Variants in FANCD2 observed in about 807,000 individuals in gnomAD.
FANCD2 encodes FA complementation group D2.
In FANCD2, 131 loss-of-function variants were observed where a neutral mutation model predicts 192.3. The observed-to-expected ratio is 0.68, with a 90% CI of 0.59 to 0.79. The LOEUF (loss-of-function observed/expected upper bound fraction) is 0.79. FANCD2 is among the 30% of genes least tolerant of loss of function. The pLI is 0.00. For missense variants in FANCD2, 1,508 were observed against 1,701.6 expected (o/e 0.89, Z 2.00); for synonymous variants, 524 against 612.5 (o/e 0.86, Z 2.13).
At chr3:10,042,916 T>G in intron 11 of FANCD2, 134 bp from the exon 12 acceptor site, 1 of 867,302 alleles carries the variant, frequency 1.2e-6, no homozygotes, top group Non-Finnish European at 1.9e-6. Flanking sequence ...CTCATAACTC[T>G]ATTTTTCAAA....
chr3:10,064,892 T>A lies in FANCD2; in HGVS notation c.2168+17T>A. The A allele has an allele frequency of 6.2e-7, 1 of 1,613,512 alleles. No individual in the cohort carries two copies. Reference sequence around the variant, plus strand: ...AGGCCAAAAGTCAGTATAGTTTTTCTTTTCTAAACCTGTTAGTGTTTTGAA... The same window carrying A: ...AGGCCAAAAGTCAGTATAGTTTTTCATTTCTAAACCTGTTAGTGTTTTGAA... On this transcript the variant is annotated intron_variant, in intron 23 of 43. Transcript: ENST00000675286.
chr3:10,063,479 G>A lies in FANCD2; in HGVS notation c.1828-313G>A, dbSNP rs374303202. ...AGCTATTTGAGAGAGAAAACAGAGA[G>A]CCTTGCATGTAAAGCAATACATTTT... On this transcript the variant is annotated intron_variant, in intron 20 of 43. Transcript: ENST00000675286. 7.9e-5 allele frequency among the ~76,000 whole-genome samples: 12 copies of A among 152,236 alleles called. 1 individual carries two copies. In the East Asian group the frequency reaches 9.6e-4, roughly 12 times the overall value.
At chr3:10,053,723 T>G (rs2087290626) in intron 18 of FANCD2, among the ~76,000 whole-genome samples, 1 of 151,908 alleles carries the variant, frequency 6.6e-6, no homozygotes, top group Non-Finnish European at 1.5e-5. Context: ...CCACAAACAT[T>G]AAGTGCCTAT....
intron 32 of FANCD2, among the ~76,000 whole-genome samples, chr3:10,084,139 G>T (rs544820499): frequency 4.6e-5 from 7 of 151,532 alleles, no homozygotes. Context: ...GATTACATGC[G>T]CCTGCCACTG....
chr3:10,052,483 A>G lies in FANCD2; in HGVS notation c.1642A>G (p.Ser548Gly), dbSNP rs752040755. ...TLAFSKQNEA[S>G]SHIQDDMHLV... ...GGCATTTAGCAAACAGAATGAAGCC[A>G]GCAGCCACATCCAGGTAAGAGGCAA... The change falls in exon 18 of 44, where the codon AGC (serine) becomes GGC (glycine). Residue 548 changes from serine (S) to glycine (G), a missense_variant. Ser to Gly is a moderately conservative substitution (Grantham distance 56). Transcript: ENST00000675286. The G allele has an allele frequency of 6.2e-7, 1 of 1,610,896 alleles. No individual in the cohort carries two copies. The highest frequency in any genetic ancestry group is 1.7e-5 in the Admixed American group (1 of 60,000).
At position 10,051,065 on chromosome 3, in the gene FANCD2, G is replaced by A. The variant is rs544536219; in HGVS notation, c.1546-1322G>A. Among the ~76,000 whole-genome samples the A allele has an allele frequency of 2.0e-4, 29 of 146,254 alleles. 1 individual carries two copies. Among genetic ancestry groups the A allele is most frequent in the Non-Finnish European group, 3.3e-4 (22 of 67,218 alleles). On this transcript the variant is annotated intron_variant, in intron 17 of 43. Transcript: ENST00000675286. ...CATGCCATCACACTCCAGCCTAGGC[G>A]AGAAGAGCGAAACTGTCAAAAAAAA...
chr3:10,078,723 G>C (rs928431287), intron 30 of FANCD2, among the ~76,000 whole-genome samples: 1 of 151,782 alleles, frequency 6.6e-6, no homozygotes, highest in Admixed American at 6.5e-5. Flanking sequence ...CAGCACTTTG[G>C]GAGGCCAAGG....
At chr3:10,100,397 G>T (rs1027445069) in intron 43 of FANCD2, among the ~76,000 whole-genome samples, 5 of 152,062 alleles carry the variant, frequency 3.3e-5, no homozygotes, top group African/African-American at 9.7e-5. Flanking sequence ...TTTTTGAGAC[G>T]GAGTCTCCCT....
rs779249492 is a variant in FANCD2, at chr3:10,062,172, C to G, written c.1788C>G (p.Thr596=). 6.2e-7 allele frequency: 1 copy of G among 1,612,568 alleles called. No individual in the cohort carries two copies. Among genetic ancestry groups the G allele is most frequent in the Non-Finnish European group, 8.5e-7 (1 of 1,179,456 alleles). The stretch of plus-strand genomic sequence containing the variant: ...TTAGAAGTGAATCACCTAGTTTGAC[C>G]CAAGAGAGAGCCAACCTGAGCGATG... ...AADRSESPSL[T]QERANLSDEQ... The change falls in exon 20 of 44, where the codon ACC becomes ACG. Residue 596 remains threonine (T), a synonymous_variant. Transcript: ENST00000675286.
chr3:10,034,199 C>G (rs909148931), intron 3 of FANCD2, among the ~76,000 whole-genome samples: 1 of 141,318 alleles, frequency 7.1e-6, no homozygotes, highest in Non-Finnish European at 1.5e-5. Context: ...AAAAACGTGT[C>G]TGTAGTCCCA....
chr3:10,080,950 C>T (rs1029141072), intron 30 of FANCD2, 150 bp from the exon 31 acceptor site: 14 of 819,206 alleles, frequency 1.7e-5, no homozygotes, highest in African/African-American at 6.8e-5. Context: ...ATTTTTATCC[C>T]TCTGTCAGAA....
At chr3:10,078,017 G>GA (rs986249684) in intron 29 of FANCD2, 64 bp from the exon 30 acceptor site, 61 of 1,206,500 alleles carry the variant, frequency 5.1e-5, no homozygotes, top group African/African-American at 1.6e-4. Context: ...AAAAAAGAAA[G>GA]AAAAAAAATT....
intron 3 of FANCD2, among the ~76,000 whole-genome samples, chr3:10,034,215 T>G (rs1036615661): frequency 7.4e-6 from 1 of 134,832 alleles, no homozygotes; most frequent in Non-Finnish European, 1.5e-5. Context: ...TCCCAGCTAC[T>G]TGGGGGGGCT....
chr3:10,072,207 C>T (rs1175901046), intron 26 of FANCD2, among the ~76,000 whole-genome samples: 1 of 151,722 alleles, frequency 6.6e-6, no homozygotes, highest in Admixed American at 6.6e-5. Context: ...CATTTACCCT[C>T]ATGTGATTAT....
intron 19 of FANCD2, among the ~76,000 whole-genome samples, chr3:10,061,683 A>G (rs1257042597): frequency 2.6e-5 from 4 of 151,874 alleles, no homozygotes; most frequent in Non-Finnish European, 5.9e-5. Flanking sequence ...AATATGTACG[A>G]AAAAGAAAAA....
rs569719540 is a variant in FANCD2 at position 10,090,229 on chromosome 3, C to T, written c.3684-63C>T. On this transcript the variant is annotated intron_variant, in intron 36 of 43. Transcript: ENST00000675286. ...AGGAAGCTACTTTTGGTTCCTGGTT[C>T]TTCCCAGGTAGTTCTAAGCAGTGCA... is the stretch of plus-strand genomic sequence containing the variant. 7 of 1,246,868 alleles carry T rather than the reference C, an allele frequency of 5.6e-6. No individual in the cohort carries two copies. The East Asian group carries it at 1.6e-4, about 29-fold the overall frequency. 77.2% of individuals were successfully genotyped at this position (1,246,868 alleles called of 1,614,324 possible).
chr3:10,072,807 A>G, intron 26 of FANCD2, 64 bp from the exon 27 acceptor site: 1 of 913,144 alleles, frequency 1.1e-6, no homozygotes, highest in East Asian at 2.4e-5. Context: ...GAGTGACTGA[A>G]TTTCAAGTCT....
chr3:10,047,153 G>C (rs1166039999), intron 15 of FANCD2, among the ~76,000 whole-genome samples: 2 of 149,610 alleles, frequency 1.3e-5, no homozygotes, highest in Admixed American at 1.3e-4. Flanking sequence ...GGATGGGCCA[G>C]TGGTTTGGGG....
Position 10,065,808 on chromosome 3 carries a change from C to G in FANCD2, c.2270-56C>G, listed in dbSNP as rs202028914. ...AAGGACAGCTAGCTCCAGAGGCAAC[C>G]TCCAGGTTTTATTGGCTTGCACTAA... On this transcript the variant is annotated intron_variant, in intron 24 of 43. Transcript: ENST00000675286. 492 of 1,133,370 alleles carry G rather than the reference C, an allele frequency of 4.3e-4. 2 individuals carry two copies. Among genetic ancestry groups the G allele is most frequent in the Middle Eastern group, 2.7e-3 (14 of 5,138 alleles). 70.2% of individuals were successfully genotyped at this position (1,133,370 alleles called of 1,614,324 possible).
Sources: gnomAD v4.1 joint callset for allele counts (sites outside exome capture counted in the v4.1 genomes callset) on GRCh38, gnomAD v4.1.1 for gene constraint, MANE v1.5 for transcripts, NCBI Gene and HGNC (gene_info 2026-07-23, HGNC 2026-07-21) for gene names.